Variants in CNBD1 observed in about 807,000 individuals in gnomAD.
CNBD1 encodes the protein cyclic nucleotide-binding domain-containing protein 1.
CNBD1 carries 71 observed loss-of-function variants against 54.4 expected under a neutral mutation model. The observed-to-expected ratio is 1.30, with a 90% CI of 1.08 to 1.59. The LOEUF (loss-of-function observed/expected upper bound fraction) is 1.59. CNBD1 is among the 40% of genes most tolerant of loss of function. The pLI is 0.00. For synonymous variants in CNBD1, 182 were observed against 170.7 expected (o/e 1.07, Z -0.51); for missense variants, 659 against 518.0 (o/e 1.27, Z -2.64).
intron 2 of CNBD1, among the ~76,000 whole-genome samples, chr8:87,422,996 TG>T (rs1046621843): frequency 3.3e-5 from 5 of 151,882 alleles, no homozygotes; most frequent in African/African-American, 1.2e-4. Context: ...TCACATCCCT[TG>T]TAAGTTGGAT....
intron 2 of CNBD1, among the ~76,000 whole-genome samples, chr8:86,895,706 A>G (rs550996156): frequency 6.6e-6 from 1 of 152,274 alleles, no homozygotes; most frequent in Admixed American, 6.5e-5. Flanking sequence ...TATGATGTTT[A>G]TCATCTTTTC....
intron 6 of CNBD1, among the ~76,000 whole-genome samples, chr8:87,263,485 A>G (rs914802218): frequency 5.7e-4 from 87 of 152,312 alleles, no homozygotes; most frequent in African/African-American, 2.1e-3. Flanking sequence ...TACTCAGCCA[A>G]CATGTAAATA....
chr8:87,375,143 G>A (rs1810900516), intron 10 of CNBD1, among the ~76,000 whole-genome samples: 1 of 151,810 alleles, frequency 6.6e-6, no homozygotes. Flanking sequence ...CTAAGTTTTA[G>A]TATGGTTTTG....
intron 4 of CNBD1, among the ~76,000 whole-genome samples, chr8:87,136,128 C>T (rs757314412): frequency 6.6e-6 from 1 of 151,664 alleles, no homozygotes. Context: ...CAATTAATAC[C>T]CAAAAATAAA....
At chr8:87,255,766 C>T (rs1227138898) in intron 6 of CNBD1, among the ~76,000 whole-genome samples, 2 of 150,936 alleles carry the variant, frequency 1.3e-5, no homozygotes, top group Non-Finnish European at 3.0e-5. Context: ...TAAGAATGTG[C>T]CTTAGCCTTC....
intron 4 of CNBD1, among the ~76,000 whole-genome samples, chr8:87,158,271 T>G (rs551199257): frequency 1.7e-4 from 26 of 152,140 alleles, no homozygotes; most frequent in Non-Finnish European, 3.2e-4. Context: ...CTAAGAGGGA[T>G]TCATAATAGG....
Position 87,351,757 on chromosome 8 carries a change from G to T in CNBD1, c.1115G>T (p.Ser372Ile), listed in dbSNP as rs1196970392. Residue 372 changes from serine (S) to isoleucine (I), a missense_variant, in exon 9 of 11, where the codon AGT becomes ATT. Ser to Ile is a moderately radical substitution (Grantham distance 142). Coordinates refer to ENST00000518476, the MANE Select transcript of CNBD1 (RefSeq NM_173538.3). ...INSGCCNIYR[S>I]IIGFVKLRSN... is the part of the protein sequence containing the mutation. ...TCTGGATGCTGTAACATTTATAGAA[G>T]TATTATAGGATTTGTGAAACTACGA... 2 of 1,522,966 alleles carry T rather than the reference G, an allele frequency of 1.3e-6. No individual in the cohort carries two copies. The highest frequency in any genetic ancestry group is 1.8e-6 in the Non-Finnish European group (2 of 1,140,978). The allele number at this position is 1,522,966 out of a possible 1,614,324, so 94.3% of individuals were successfully genotyped here. A position where few individuals can be genotyped will look rare whatever the true frequency, so the allele number is the denominator to read the frequency against.
intron 2 of CNBD1, among the ~76,000 whole-genome samples, chr8:86,892,461 A>G (rs1298537033): frequency 2.0e-5 from 3 of 152,108 alleles, no homozygotes; most frequent in African/African-American, 7.2e-5. Context: ...TCTTTAACCT[A>G]AATATGATTG....
At chr8:86,933,072 G>A (rs532244727) in intron 3 of CNBD1, among the ~76,000 whole-genome samples, 2 of 152,250 alleles carry the variant, frequency 1.3e-5, no homozygotes, top group African/African-American at 4.8e-5. Flanking sequence ...CATACCCTGA[G>A]GGAGGGAAGG....
intron 6 of CNBD1, among the ~76,000 whole-genome samples, chr8:87,266,055 A>G (rs1266033891): frequency 6.6e-6 from 1 of 152,086 alleles, no homozygotes; most frequent in East Asian, 1.9e-4. Context: ...TTGGAAGAAC[A>G]TTATACATTT....
chr8:87,069,652 C>G (rs1178897175), intron 4 of CNBD1, among the ~76,000 whole-genome samples: 2 of 152,018 alleles, frequency 1.3e-5, no homozygotes, highest in African/African-American at 4.8e-5. Context: ...CAATGCATGA[C>G]TGTATAGTGA....
At chr8:87,244,873 A>G (rs1807772671) in intron 6 of CNBD1, among the ~76,000 whole-genome samples, 2 of 152,194 alleles carry the variant, frequency 1.3e-5, no homozygotes. Context: ...CTAAATTGCA[A>G]CTGATAGAGG....
intron 8 of CNBD1, among the ~76,000 whole-genome samples, chr8:87,325,504 A>G (rs531883528): frequency 9.8e-5 from 10 of 101,992 alleles, no homozygotes; most frequent in Admixed American, 1.8e-4. Context: ...GGGTGCATAT[A>G]TATTTAGGAT....
intron 10 of CNBD1, among the ~76,000 whole-genome samples, chr8:87,370,845 G>GT (rs1168489355): frequency 6.6e-6 from 1 of 150,590 alleles, no homozygotes; most frequent in Middle Eastern, 3.4e-3. Flanking sequence ...TTCTTCTAGG[G>GT]TTTTTATGGT....
rs1057336892 is a variant in CNBD1, at chr8:87,382,621, G to A, written c.1305G>A (p.Val435=). ...TGTTTGTTTGTTTGCCTTTTGCAGT[G>A]GCCTAGATCTAGAAACAACCTCAGT... is the stretch of plus-strand genomic sequence containing the variant. The part of the protein sequence containing the change: ...MAIIEDKDLF[V]A The change falls in exon 11 of 11, where the codon GTG becomes GTA. Residue 435 remains valine (V), a splice_region_variant and synonymous_variant. Coordinates refer to ENST00000518476, the MANE Select transcript of CNBD1 (RefSeq NM_173538.3). 1.3e-6 allele frequency: 2 copies of A among 1,536,410 alleles called. No individual in the cohort carries two copies. Among genetic ancestry groups the A allele is most frequent in the South Asian group, 1.2e-5 (1 of 83,028 alleles).
chr8:87,344,612 CCT>C (rs1242134501), intron 8 of CNBD1, among the ~76,000 whole-genome samples: 4 of 151,860 alleles, frequency 2.6e-5, no homozygotes, highest in African/African-American at 9.7e-5. Flanking sequence ...TTTACCTGCC[CCT>C]GTGTAGACTA....
At chr8:87,041,449 A>T (rs1229923915) in intron 4 of CNBD1, among the ~76,000 whole-genome samples, 1 of 152,160 alleles carries the variant, frequency 6.6e-6, no homozygotes, top group African/African-American at 2.4e-5. Context: ...GAGGAGAAAA[A>T]TGTTCTTAGA....
intron 4 of CNBD1, among the ~76,000 whole-genome samples, chr8:86,957,796 T>A (rs182152729): frequency 1.2e-4 from 19 of 152,242 alleles, no homozygotes; most frequent in Admixed American, 9.2e-4. Context: ...GGTTCATCGA[T>A]TTTTTGTAGG....
chr8:87,158,353 G>C (rs1301107224), intron 4 of CNBD1, among the ~76,000 whole-genome samples: 2 of 152,128 alleles, frequency 1.3e-5, no homozygotes, highest in Non-Finnish European at 2.9e-5. Flanking sequence ...GCTAGACATA[G>C]TAAAATCTTA....
Sources: allele counts gnomAD v4.1 joint callset (sites outside exome capture counted in the v4.1 genomes callset), GRCh38; gene constraint gnomAD v4.1.1; transcripts MANE v1.5; gene names NCBI Gene and HGNC (gene_info 2026-07-23, HGNC 2026-07-21).